The following CPT1A variants were observed in gnomAD, a reference collection of about 807,000 sequenced individuals.
The protein encoded by CPT1A is carnitine O-palmitoyltransferase 1, liver isoform.
Under a neutral mutation model 100.8 loss-of-function variants are expected in CPT1A, and 64 were observed. The ratio of observed to expected loss-of-function variants is 0.63; its 90% CI spans 0.52 to 0.78. CPT1A has a LOEUF of 0.78. Among genes scored for constraint, CPT1A ranks in the 30% least tolerant of loss-of-function variants. The probability of loss-of-function intolerance (pLI) is 0.00; values close to 1 mark genes in which losing one functional copy is unlikely to be tolerated. For missense variants in CPT1A, 802 were observed against 1,034.1 expected, an observed-to-expected ratio of 0.78 and a Z score of 3.08; for synonymous variants, 363 against 396.0, an observed-to-expected ratio of 0.92 and a Z score of 0.99.
At chr11:68,796,759 C>T in intron 7 of CPT1A, 97 bp downstream of exon 7, 1 of 1,224,518 alleles carries the variant, frequency 8.2e-7, no homozygotes. Flanking sequence ...CCAGAGTTTT[C>T]CCAGGCCGTC....
rs540914154 is a variant in CPT1A, at chr11:68,799,764, A to AG, written c.556-410_556-409insC. ...GAGTGAGACCCTATCTCAAAAAAAA[A>AG]AAAGAAAAAGTTTAGACTCTTCCCC... On this transcript the variant is annotated intron_variant, in intron 5 of 18. Coordinates refer to ENST00000265641, the MANE Select transcript of CPT1A (RefSeq NM_001876.4). 5.7e-3 allele frequency among the ~76,000 whole-genome samples: 868 copies of AG among 152,176 alleles called. 9 individuals carry two copies. The highest frequency in any genetic ancestry group is 0.019 in the African/African-American group (807 of 41,516).
At chr11:68,782,280 A>G (rs1855334243) in intron 10 of CPT1A, among the ~76,000 whole-genome samples, 1 of 152,058 alleles carries the variant, frequency 6.6e-6, no homozygotes, top group Non-Finnish European at 1.5e-5. Flanking sequence ...GCTCCCTGAC[A>G]CACCCTCCCT....
chr11:68,760,236 C>T lies in CPT1A; in HGVS notation c.2131G>A (p.Gly711Ser). 6.2e-7 allele frequency: 1 copy of T among 1,609,606 alleles called. No homozygotes were observed. The highest frequency in any genetic ancestry group is 8.5e-7 in the Non-Finnish European group (1 of 1,178,456). Reference sequence around the variant, plus strand: ...CCCGCCGCACTCACCGGTCCAAAGCCCCCTCCGCTGGACACGTACTCTGGG... The same window carrying T: ...CCCGCCGCACTCACCGGTCCAAAGCTCCCTCCGCTGGACACGTACTCTGGG... ...NNPEYVSSGGGFGPVADDGYG... is the reference protein window; with the variant it reads ...NNPEYVSSGGSFGPVADDGYG... The change falls in exon 17 of 19, where the codon GGC becomes AGC. Residue 711 changes from glycine (G) to serine (S), a missense_variant. This residue lies in a region of CPT1A where 627 missense variants were observed against 799.3 expected (regional missense o/e 0.78). Transcript: ENST00000265641.
chr11:68,785,865 C>T (rs1219629551), intron 9 of CPT1A: 14 of 538,180 alleles, frequency 2.6e-5, no homozygotes, highest in Admixed American at 1.1e-4. Flanking sequence ...TGGAAAATTA[C>T]GAAACCAAGC....
At chr11:68,796,247 A>G (rs1855752127) in intron 7 of CPT1A, among the ~76,000 whole-genome samples, 1 of 152,164 alleles carries the variant, frequency 6.6e-6, no homozygotes, top group Admixed American at 6.6e-5. Flanking sequence ...ACCAAGTTCC[A>G]GTGCTAAGCC....
chr11:68,842,075 G>A, upstream of CPT1A: 1 of 604,390 alleles, frequency 1.7e-6, no homozygotes, highest in Non-Finnish European at 2.1e-6. Flanking sequence ...TGCCGGAATG[G>A]GGTCTAGGAC....
intron 9 of CPT1A, among the ~76,000 whole-genome samples, chr11:68,791,101 G>A (rs1316452624): frequency 6.6e-6 from 1 of 152,226 alleles, no homozygotes; most frequent in African/African-American, 2.4e-5. Flanking sequence ...TGGGATTACA[G>A]GAATGAGCCT....
At chr11:68,785,161 A>G in intron 9 of CPT1A, 151 bp from the exon 10 acceptor site, 1 of 720,586 alleles carries the variant, frequency 1.4e-6, no homozygotes, top group Non-Finnish European at 2.5e-6. Context: ...AAGACGTTTT[A>G]AATGATTAAG....
intron 10 of CPT1A, among the ~76,000 whole-genome samples, chr11:68,782,864 T>A (rs1748067295): frequency 6.6e-6 from 1 of 152,178 alleles, no homozygotes; most frequent in East Asian, 1.9e-4. Context: ...TACGGAGCCC[T>A]TCCTGTGAAT....
intron 9 of CPT1A, 21 bp downstream of exon 9, chr11:68,793,294 C>T (rs1339224998): frequency 3.2e-6 from 5 of 1,578,292 alleles, no homozygotes; most frequent in Non-Finnish European, 4.3e-6. Context: ...CTCCAGGGGG[C>T]CCTGAAGAAG....
chr11:68,838,581 A>AAAAAACAAAAAAAAAC (rs1566394906), intron 1 of CPT1A, among the ~76,000 whole-genome samples: 2 of 145,600 alleles, frequency 1.4e-5, no homozygotes, highest in African/African-American at 5.1e-5. Flanking sequence ...TTAAAAAAAA[A>AAAAAACAAAAAAAAAC]AAAAAAAAAA....
intron 1 of CPT1A, among the ~76,000 whole-genome samples, chr11:68,840,955 C>T (rs1857145145): frequency 6.6e-6 from 1 of 152,182 alleles, no homozygotes; most frequent in African/African-American, 2.4e-5. Context: ...GCCCTTGACC[C>T]AGCGCTGCAC....
chr11:68,820,707 C>T (rs1594368637), intron 1 of CPT1A, among the ~76,000 whole-genome samples: 1 of 152,030 alleles, frequency 6.6e-6, no homozygotes, highest in African/African-American at 2.4e-5. Flanking sequence ...TCATAGTTTT[C>T]GATTGTGCAG....
upstream of CPT1A, among the ~76,000 whole-genome samples, chr11:68,842,956 TG>T (rs1221379084): frequency 6.6e-6 from 1 of 152,252 alleles, no homozygotes; most frequent in African/African-American, 2.4e-5. Context: ...ACCGATGTTA[TG>T]AACAAAGACT....
chr11:68,762,969 C>A (rs1017088655), intron 14 of CPT1A, among the ~76,000 whole-genome samples: 2 of 152,148 alleles, frequency 1.3e-5, no homozygotes, highest in South Asian at 2.1e-4. Flanking sequence ...GTGATCCCCC[C>A]ACCTCAGCCT....
At chr11:68,761,777 T>A (rs976889110) in intron 15 of CPT1A, 90 bp from the exon 16 acceptor site, 1 of 1,480,582 alleles carries the variant, frequency 6.8e-7, no homozygotes, top group Non-Finnish European at 9.4e-7. Context: ...CGGCTAATAT[T>A]TTTTGTTATT....
intron 1 of CPT1A, among the ~76,000 whole-genome samples, chr11:68,816,109 T>C (rs1157092309): frequency 2.0e-5 from 3 of 152,074 alleles, no homozygotes; most frequent in Non-Finnish European, 4.4e-5. Context: ...CAGACAAATC[T>C]CAATCTTGCA....
intron 17 of CPT1A, 116 bp downstream of exon 17, chr11:68,760,109 C>T (rs567787046): frequency 7.9e-5 from 58 of 736,136 alleles, no homozygotes; most frequent in East Asian, 2.4e-4. Flanking sequence ...AATTCCTTTA[C>T]GGCGGTAGAA....
chr11:68,833,657 C>A (rs1343398215), intron 1 of CPT1A, among the ~76,000 whole-genome samples: 3 of 152,096 alleles, frequency 2.0e-5, no homozygotes, highest in Non-Finnish European at 4.4e-5. Flanking sequence ...TTGCTTGAAC[C>A]TGGTTGGTGG....
Sources: allele counts gnomAD v4.1 joint callset (sites outside exome capture counted in the v4.1 genomes callset), GRCh38; gene constraint gnomAD v4.1.1; regional missense constraint gnomAD v4.1.1; transcripts MANE v1.5; gene names NCBI Gene and HGNC (gene_info 2026-07-23, HGNC 2026-07-21).